Variants in PYROXD2 observed in about 807,000 individuals in gnomAD.
PYROXD2 encodes pyridine nucleotide-disulfide oxidoreductase domain-containing protein 2.
Under a neutral mutation model 71.1 loss-of-function variants are expected in PYROXD2, and 69 were observed. That is an observed-to-expected ratio of 0.97 (90% CI 0.80 to 1.19). The LOEUF is 1.19. Among genes scored for constraint, PYROXD2 ranks in the 50% most tolerant of loss-of-function variants. The pLI is 0.00. For missense variants in PYROXD2, 745 were observed against 748.9 expected (o/e 0.99, Z 0.06); for synonymous variants, 287 against 302.7 (o/e 0.95, Z 0.54).
chr10:98,403,514 C>T (rs1164945869), intron 4 of PYROXD2, among the ~76,000 whole-genome samples: 1 of 152,306 alleles, frequency 6.6e-6, no homozygotes, highest in Non-Finnish European at 1.5e-5. Context: ...TGCAGTCCTG[C>T]CCCTCCCACC....
At chr10:98,391,608 C>T (rs1343641187) in intron 10 of PYROXD2, among the ~76,000 whole-genome samples, 2 of 152,184 alleles carry the variant, frequency 1.3e-5, no homozygotes, top group Non-Finnish European at 2.9e-5. Context: ...TGTTTGCACA[C>T]CCACTTCCGT....
chr10:98,411,148 A>G, intron 1 of PYROXD2, 190 bp from the exon 2 acceptor site: 1 of 785,092 alleles, frequency 1.3e-6, no homozygotes. Flanking sequence ...CCAGATCTTC[A>G]AGGAGTCAGA....
At chr10:98,393,231 C>T in intron 8 of PYROXD2, 148 bp from the exon 9 acceptor site, 1 of 635,504 alleles carries the variant, frequency 1.6e-6, no homozygotes, top group Non-Finnish European at 2.7e-6. Context: ...AGCTCAAGTT[C>T]TTGTAAGAGC....
intron 10 of PYROXD2, among the ~76,000 whole-genome samples, chr10:98,391,943 T>C (rs527599999): frequency 6.6e-6 from 1 of 152,268 alleles, no homozygotes; most frequent in South Asian, 2.1e-4. Flanking sequence ...CACAGCCAAC[T>C]GCAGACGCAT....
chr10:98,408,450 A>G (rs981799882), intron 2 of PYROXD2, among the ~76,000 whole-genome samples: 1 of 152,330 alleles, frequency 6.6e-6, no homozygotes, highest in African/African-American at 2.4e-5. Flanking sequence ...CTGCAGCCTC[A>G]GTACCTGATC....
chr10:98,400,061 G>A (rs772028847), intron 5 of PYROXD2, 41 bp downstream of exon 5: 5 of 1,601,692 alleles, frequency 3.1e-6, no homozygotes, highest in Non-Finnish European at 4.3e-6. Flanking sequence ...TCTCTAGGCT[G>A]CTGAGGGAGC....
intron 6 of PYROXD2, 30 bp from the exon 7 acceptor site, chr10:98,395,482 T>G: frequency 6.2e-7 from 1 of 1,602,242 alleles, no homozygotes; most frequent in Non-Finnish European, 8.6e-7. Flanking sequence ...AAACAGAAGT[T>G]GAAACAGGTG....
Position 98,383,829 on chromosome 10 carries a change from T to C in PYROXD2, c.1715A>G (p.His572Arg), listed in dbSNP as rs1842663749. Reference sequence around the variant, plus strand: ...GCTCTTGAGGTCCCTAAAGGCCACATGTGCTGCATTTCGCCCAGCAGCTCC... The same window carrying C: ...GCTCTTGAGGTCCCTAAAGGCCACACGTGCTGCATTTCGCCCAGCAGCTCC... Reference protein sequence around the residue: ...VMGAAGRNAAHVAFRDLKSM With the variant: ...VMGAAGRNAARVAFRDLKSM Residue 572 changes from histidine (H) to arginine (R), a missense_variant, in exon 16 of 16, where the codon CAT becomes CGT. Coordinates refer to ENST00000370575, the MANE Select transcript of PYROXD2 (RefSeq NM_032709.3). The C allele has an allele frequency of 6.2e-7, 1 of 1,614,048 alleles. No individual in the cohort carries two copies. The highest frequency in any genetic ancestry group is 1.3e-5 in the African/African-American group (1 of 74,994).
intron 14 of PYROXD2, 44 bp downstream of exon 14, chr10:98,387,157 C>T: frequency 7.0e-7 from 1 of 1,424,674 alleles, no homozygotes; most frequent in Non-Finnish European, 9.9e-7. Flanking sequence ...AGTGAGGGTG[C>T]AGAGGGAAGG....
chr10:98,392,667 A>G lies in PYROXD2; in HGVS notation c.928-101T>C, dbSNP rs111680560. 2.7e-4 allele frequency: 420 copies of G among 1,531,142 alleles called. No homozygotes were observed. The African/African-American group carries it at 4.9e-3, about 18-fold the overall frequency. The allele number at this position is 1,531,142 out of a possible 1,614,324, so 94.8% of individuals were successfully genotyped here. A position where few individuals can be genotyped will look rare whatever the true frequency, so the allele number is the denominator to read the frequency against. ...TCTGTGCTGCTCCTAGGCATTCACA[A>G]CTTCTTCATCCCAAACCCATCCCAC... On this transcript the variant is annotated intron_variant, in intron 9 of 15. Coordinates refer to ENST00000370575, the MANE Select transcript of PYROXD2 (RefSeq NM_032709.3).
At position 98,384,177 on chromosome 10, in the gene PYROXD2, G is replaced by A. The variant is rs571719022; in HGVS notation, c.1676-309C>T. Among the ~76,000 whole-genome samples the A allele has an allele frequency of 2.1e-3, 323 of 152,178 alleles. 1 individual carries two copies. The highest frequency in any genetic ancestry group is 7.0e-3 in the African/African-American group (292 of 41,486). Reference sequence around the variant, plus strand: ...ATTTCAGAATAAGGGGCTGGGGGGAGGGGGAAGATGTGTAAGCCCAGACTC... The same window carrying A: ...ATTTCAGAATAAGGGGCTGGGGGGAAGGGGAAGATGTGTAAGCCCAGACTC... On this transcript the variant is annotated intron_variant, in intron 15 of 15. Transcript: ENST00000370575.
chr10:98,409,923 C>G (rs547309625), intron 2 of PYROXD2, among the ~76,000 whole-genome samples: 3 of 152,078 alleles, frequency 2.0e-5, no homozygotes, highest in South Asian at 4.2e-4. Flanking sequence ...ACTAAAAATA[C>G]AAAAGTTAGC....
intron 6 of PYROXD2, 63 bp from the exon 7 acceptor site, chr10:98,395,515 C>T (rs1435325137): frequency 7.0e-7 from 1 of 1,438,730 alleles, no homozygotes; most frequent in Non-Finnish European, 9.8e-7. Context: ...TCCGACCTGG[C>T]CTGGGGGATA....
chr10:98,386,592 C>T (rs1018337460), intron 14 of PYROXD2, among the ~76,000 whole-genome samples: 12 of 149,722 alleles, frequency 8.0e-5, no homozygotes, highest in African/African-American at 3.0e-4. Context: ...CATTCTGTTG[C>T]CCAGGCTGAA....
chr10:98,408,878 T>TTAACTG (rs1843697577), intron 2 of PYROXD2, among the ~76,000 whole-genome samples: 2 of 152,136 alleles, frequency 1.3e-5, no homozygotes, highest in African/African-American at 2.4e-5. Flanking sequence ...AGCCAAGAGG[T>TTAACTG]AGGTACTATG....
At chr10:98,392,615 A>G (rs1207093453) in intron 9 of PYROXD2, 49 bp from the exon 10 acceptor site, 2 of 1,600,928 alleles carry the variant, frequency 1.2e-6, no homozygotes, top group South Asian at 1.1e-5. Flanking sequence ...AGGGAAATCC[A>G]TGTTAGATCT....
At chr10:98,397,579 C>CA (rs758705591) in intron 5 of PYROXD2, 81 bp from the exon 6 acceptor site, 8 of 1,448,408 alleles carry the variant, frequency 5.5e-6, no homozygotes, top group Admixed American at 2.4e-5. Flanking sequence ...GTCACCCCCC[C>CA]ACAGCTTGAC....
chr10:98,402,396 G>A lies in PYROXD2; in HGVS notation c.316-2139C>T, dbSNP rs1843444605. ...TTTAGAAAGACACAATCAAGCAATG[G>A]TTATGTGAAAATCTATACTTACAAG... On this transcript the variant is annotated intron_variant, in intron 4 of 15. Transcript: ENST00000370575. Among the ~76,000 whole-genome samples the A allele has an allele frequency of 2.6e-5, 4 of 152,138 alleles. No individual in the cohort carries two copies. The South Asian group carries it at 8.3e-4, about 31-fold the overall frequency.
In PYROXD2 at chr10:98,392,936, G is replaced by A. The variant is rs535112764; in HGVS notation, c.927+6C>T. 74 of 1,612,682 alleles carry A rather than the reference G, an allele frequency of 4.6e-5. No homozygotes were observed. The South Asian group carries it at 4.6e-4, about 10-fold the overall frequency. On this transcript the variant is annotated splice_donor_region_variant and intron_variant, in intron 9 of 15. Transcript: ENST00000370575. ...ATAATTGGGGTGGGGTAGAGGGGCCGTTCACCTTTTCAGTGAAGATGCTTG... is the reference window on the plus strand; with the variant it reads ...ATAATTGGGGTGGGGTAGAGGGGCCATTCACCTTTTCAGTGAAGATGCTTG...
Sources: gnomAD v4.1 joint callset for allele counts (sites outside exome capture counted in the v4.1 genomes callset) on GRCh38, gnomAD v4.1.1 for gene constraint, MANE v1.5 for transcripts, NCBI Gene and HGNC (gene_info 2026-07-23, HGNC 2026-07-21) for gene names.